Variants in IKZF2 observed in about 807,000 individuals in gnomAD.
IKZF2 encodes the protein zinc finger protein Helios.
In IKZF2, 15 loss-of-function variants were observed where a neutral mutation model predicts 49.2. The observed-to-expected ratio is 0.30, with a 90% CI of 0.20 to 0.47. The LOEUF is 0.47. Among genes scored for constraint, IKZF2 ranks in the 20% least tolerant of loss-of-function variants. IKZF2 has a pLI of 1.00. For synonymous variants in IKZF2, 227 were observed against 221.4 expected (o/e 1.03, Z -0.23); for missense variants, 567 against 664.6 (o/e 0.85, Z 1.61).
chr2:213,125,222 C>A (rs2060218176), intron 4 of IKZF2, among the ~76,000 whole-genome samples: 2 of 152,144 alleles, frequency 1.3e-5, no homozygotes, highest in Non-Finnish European at 2.9e-5. Flanking sequence ...ATCAAATCAT[C>A]CATTCCCTGC....
chr2:213,032,027 G>A (rs1698488825), intron 6 of IKZF2, among the ~76,000 whole-genome samples: 1 of 152,116 alleles, frequency 6.6e-6, no homozygotes, highest in Non-Finnish European at 1.5e-5. Flanking sequence ...GTATAAAGGT[G>A]CAAAAAGTTT....
chr2:213,045,406 G>C (rs906192975), intron 6 of IKZF2, among the ~76,000 whole-genome samples: 1 of 152,174 alleles, frequency 6.6e-6, no homozygotes, highest in East Asian at 1.9e-4. Flanking sequence ...AAGATAATCA[G>C]AAGCAGTTTT....
At chr2:213,048,632 A>T (rs1036523611) in intron 6 of IKZF2, among the ~76,000 whole-genome samples, 6 of 152,124 alleles carry the variant, frequency 3.9e-5, no homozygotes, top group African/African-American at 9.6e-5. Flanking sequence ...GGGAGGAAAG[A>T]AAAATATATA....
intron 4 of IKZF2, among the ~76,000 whole-genome samples, chr2:213,102,559 G>A (rs936910503): frequency 6.6e-5 from 10 of 151,282 alleles, no homozygotes; most frequent in Admixed American, 6.6e-5. Flanking sequence ...TAAATAAGAC[G>A]TCAATCTCAT....
chr2:213,064,304 A>C (rs188039564), intron 4 of IKZF2, among the ~76,000 whole-genome samples: 6 of 152,152 alleles, frequency 3.9e-5, no homozygotes, highest in Admixed American at 3.3e-4. Flanking sequence ...GTCTTGTGTC[A>C]ATTATTGATA....
At chr2:213,119,676 T>C (rs762410030) in intron 4 of IKZF2, among the ~76,000 whole-genome samples, 1 of 152,166 alleles carries the variant, frequency 6.6e-6, no homozygotes, top group Non-Finnish European at 1.5e-5. Context: ...GTTATAAGAA[T>C]ATGCCTGAAG....
At position 213,056,998 on chromosome 2, in the gene IKZF2, C is replaced by T; in HGVS notation, c.241G>A (p.Glu81Lys). The change falls in exon 5 of 9, where the codon GAA becomes AAA. Residue 81 changes from glutamate (E) to lysine (K), a missense_variant. Around this residue, in one of 5 missense-constraint regions of IKZF2, gnomAD observed 156 missense variants for 138.5 expected, o/e 1.13. Transcript: ENST00000434687. ...IRGHDEGSSL[E>K]EPLIESSEVA... ...TCGCTGCTCTCAATTAGGGGTTCTTCTAGGCTGCTACCCTCATCATGGCCC... is the reference window on the plus strand; with the variant it reads ...TCGCTGCTCTCAATTAGGGGTTCTTTTAGGCTGCTACCCTCATCATGGCCC... 1 of 1,613,956 alleles carries T rather than the reference C, an allele frequency of 6.2e-7. No individual in the cohort carries two copies. The highest frequency in any genetic ancestry group is 8.5e-7 in the Non-Finnish European group (1 of 1,179,928).
chr2:213,116,725 T>C (rs1375594037), intron 4 of IKZF2, among the ~76,000 whole-genome samples: 1 of 152,104 alleles, frequency 6.6e-6, no homozygotes, highest in African/African-American at 2.4e-5. Context: ...GGTGACAGAG[T>C]GAGACCCTGT....
intron 4 of IKZF2, among the ~76,000 whole-genome samples, chr2:213,137,108 G>A (rs1206202173): frequency 1.3e-5 from 2 of 151,912 alleles, no homozygotes; most frequent in Non-Finnish European, 2.9e-5. Flanking sequence ...GTTGAGGTAC[G>A]GGGGTGTTTC....
chr2:213,030,164 T>C (rs2125171274), intron 6 of IKZF2, among the ~76,000 whole-genome samples: 1 of 152,288 alleles, frequency 6.6e-6, no homozygotes, highest in African/African-American at 2.4e-5. Context: ...CATTTTCTTG[T>C]GGTCAAAATT....
At chr2:213,046,767 G>A (rs1700189366) in intron 6 of IKZF2, among the ~76,000 whole-genome samples, 1 of 152,134 alleles carries the variant, frequency 6.6e-6, no homozygotes, top group Non-Finnish European at 1.5e-5. Context: ...ATTCTCTCCA[G>A]AGGGCATTCA....
chr2:213,001,779 G>C lies in IKZF2; in HGVS notation c.*5581C>G, dbSNP rs552858909. The C allele has an allele frequency of 6.6e-6, 1 of 151,808 alleles. No individual in the cohort carries two copies. The highest frequency in any genetic ancestry group is 1.9e-4 in the East Asian group (1 of 5,154). 9.4% of individuals were successfully genotyped at this position (151,808 alleles called of 1,614,324 possible). On this transcript the variant is annotated 3_prime_UTR_variant, in exon 9 of 9. Transcript: ENST00000434687. Reference sequence around the variant, plus strand: ...ATGTAACAAAATTTAAGAGATAACAGAGAGACCTTTGTTACACAGAAAGGG... The same window carrying C: ...ATGTAACAAAATTTAAGAGATAACACAGAGACCTTTGTTACACAGAAAGGG...
At chr2:213,057,124 A>G in intron 4 of IKZF2, 25 bp from the exon 5 acceptor site, 1 of 1,595,202 alleles carries the variant, frequency 6.3e-7, no homozygotes, top group South Asian at 1.1e-5. Context: ...GAAGAAAATA[A>G]ATTTTAAATA....
At chr2:213,083,379 C>T (rs993835747) in intron 4 of IKZF2, among the ~76,000 whole-genome samples, 2 of 135,708 alleles carry the variant, frequency 1.5e-5, no homozygotes, top group African/African-American at 5.9e-5. Flanking sequence ...CATAGGACGG[C>T]GAACCTTTTT....
rs928745814 is a variant in IKZF2, at chr2:213,007,249, T to TA, written c.*110dup. The TA allele has an allele frequency of 8.8e-5, 102 of 1,156,950 alleles. No individual in the cohort carries two copies. The highest frequency in any genetic ancestry group is 6.3e-4 in the South Asian group (38 of 60,518). 71.7% of individuals were successfully genotyped at this position (1,156,950 alleles called of 1,614,324 possible). A position where few individuals can be genotyped will look rare whatever the true frequency, so the allele number is the denominator to read the frequency against. On this transcript the variant is annotated 3_prime_UTR_variant, in exon 9 of 9. Coordinates refer to ENST00000434687, the MANE Select transcript of IKZF2 (RefSeq NM_001387220.1). ...TAAGAATTATCAACAGTAATAATATTAAAAAAAATAAAAGGTATGTCAACA... is the reference window on the plus strand; with the variant it reads ...TAAGAATTATCAACAGTAATAATATTAAAAAAAAATAAAAGGTATGTCAACA...
chr2:213,021,749 A>C (rs1697243872), intron 7 of IKZF2: 1 of 562,272 alleles, frequency 1.8e-6, no homozygotes, highest in East Asian at 4.0e-5. Flanking sequence ...AAGAAGAGTA[A>C]ATAGTACCTT....
Position 213,014,100 on chromosome 2 carries a change from C to T in IKZF2, c.713-166G>A, listed in dbSNP as rs915057553. 5 of 562,476 alleles carry T rather than the reference C, an allele frequency of 8.9e-6. No homozygotes were observed. In the African/African-American group the frequency reaches 9.4e-5, roughly 11 times the overall value. The allele number at this position is 562,476 out of a possible 1,614,324, so 34.8% of individuals were successfully genotyped here. ...TGAAAGTATACTCTTTAAATTTGCA[C>T]ACACACATATACACCAGAGGATTTG... On this transcript the variant is annotated intron_variant, in intron 7 of 8. Transcript: ENST00000434687.
intron 4 of IKZF2, 126 bp downstream of exon 4, chr2:213,147,582 T>C (rs1473615548): frequency 1.3e-6 from 1 of 787,698 alleles, no homozygotes; most frequent in South Asian, 1.3e-5. Flanking sequence ...GTGTTGTTCT[T>C]TCTTTAGCAA....
chr2:213,035,444 A>T (rs559161864), intron 6 of IKZF2, among the ~76,000 whole-genome samples: 1 of 152,268 alleles, frequency 6.6e-6, no homozygotes, highest in Non-Finnish European at 1.5e-5. Context: ...CACCAACATA[A>T]CCACAGATTC....
Sources: allele counts gnomAD v4.1 joint callset (sites outside exome capture counted in the v4.1 genomes callset), GRCh38; gene constraint gnomAD v4.1.1; regional missense constraint gnomAD v4.1.1; transcripts MANE v1.5; gene names NCBI Gene and HGNC (gene_info 2026-07-23, HGNC 2026-07-21).